NMS: variants seen among roughly 807,000 people sequenced by gnomAD.
NMS encodes the protein neuromedin-S.
NMS carries 30 observed loss-of-function variants against 32.2 expected under a neutral mutation model. The observed-to-expected ratio is 0.93, with a 90% CI of 0.70 to 1.26. NMS has a LOEUF of 1.26. Ranked by LOEUF, NMS falls within the 50% of genes most tolerant of loss-of-function variation. The probability of loss-of-function intolerance (pLI) is 0.00; values close to 1 mark genes in which losing one functional copy is unlikely to be tolerated. For synonymous variants in NMS, 76 were observed against 58.5 expected, an observed-to-expected ratio of 1.30 and a Z score of -1.37; for missense variants, 190 against 186.3, an observed-to-expected ratio of 1.02 and a Z score of -0.12.
intron 3 of NMS, 77 bp downstream of exon 3, chr2:100,473,616 G>C: frequency 1.3e-5 from 6 of 451,958 alleles, no homozygotes; most frequent in South Asian, 6.1e-5. Flanking sequence ...CTACCTACAG[G>C]AGAATGCTGT....
intron 7 of NMS, among the ~76,000 whole-genome samples, chr2:100,480,905 C>T (rs1358548861): frequency 6.6e-6 from 1 of 152,094 alleles, no homozygotes; most frequent in East Asian, 1.9e-4. Context: ...CGTGGCCATG[C>T]ATCAGAGTCA....
At chr2:100,470,774 T>G (rs1329335649) in intron 1 of NMS, among the ~76,000 whole-genome samples, 2 of 152,222 alleles carry the variant, frequency 1.3e-5, no homozygotes, top group African/African-American at 4.8e-5. Context: ...CTTTTCCCTG[T>G]GGGACTGTCT....
chr2:100,470,640 A>T lies in NMS; in HGVS notation c.76+76A>T, dbSNP rs142859719. On this transcript the variant is annotated intron_variant, in intron 1 of 9. Transcript: ENST00000376865. ...GAGACAGACCTTGATCCCCCAGGGC[A>T]GCTCTGGAGGGAGTCAAGCTTTATT... 1.5e-3 allele frequency: 1,776 copies of T among 1,170,926 alleles called. 27 individuals are homozygous for T. The African/African-American group carries it at 0.024, about 16-fold the overall frequency. 72.5% of individuals were successfully genotyped at this position (1,170,926 alleles called of 1,614,324 possible).
chr2:100,475,720 C>T (rs1354659847), intron 3 of NMS, among the ~76,000 whole-genome samples: 1 of 152,020 alleles, frequency 6.6e-6, no homozygotes, highest in Non-Finnish European at 1.5e-5. Context: ...AAAAAGTAGG[C>T]CGGGTGTGGT....
chr2:100,475,999 C>CAAAAAAAAAAAAAAAAAAAAAA (rs746460668), intron 3 of NMS, among the ~76,000 whole-genome samples: 2 of 111,702 alleles, frequency 1.8e-5, no homozygotes, highest in African/African-American at 3.5e-5. Flanking sequence ...ACCCTATCTC[C>CAAAAAAAAAAAAAAAAAAAAAA]AAAAAAAAAA....
rs1241893743 is a variant in NMS, at chr2:100,479,313, T to A, written c.262-40T>A. 2.7e-6 allele frequency: 4 copies of A among 1,489,774 alleles called. 1 individual carries two copies. Among genetic ancestry groups the A allele is most frequent in the South Asian group, 2.4e-5 (2 of 83,280 alleles). The allele number at this position is 1,489,774 out of a possible 1,614,324, so 92.3% of individuals were successfully genotyped here. A position where few individuals can be genotyped will look rare whatever the true frequency, so the allele number is the denominator to read the frequency against. On this transcript the variant is annotated intron_variant, in intron 5 of 9. Transcript: ENST00000376865. ...GGCTCTCAAAATACCCCTCTGTGGA[T>A]GTCCCCCTGTCTGACCCTCTCCGCG...
At chr2:100,470,698 C>T in intron 1 of NMS, 134 bp downstream of exon 1, 1 of 757,726 alleles carries the variant, frequency 1.3e-6, no homozygotes, top group Non-Finnish European at 2.3e-6. Context: ...TTTCTGGCTG[C>T]AATTTGTTGG....
At chr2:100,482,774 G>C (rs955048623) in intron 9 of NMS, among the ~76,000 whole-genome samples, 2 of 152,174 alleles carry the variant, frequency 1.3e-5, no homozygotes, top group African/African-American at 4.8e-5. Flanking sequence ...CCCTTCCAAT[G>C]GTGCTCTGAG....
intron 9 of NMS, 42 bp from the exon 10 acceptor site, chr2:100,483,210 A>G (rs1244306998): frequency 1.3e-6 from 2 of 1,586,606 alleles, no homozygotes; most frequent in African/African-American, 2.7e-5. Flanking sequence ...GATTCCGAGA[A>G]TGATTTGAAC....
chr2:100,477,542 C>T, intron 5 of NMS, 128 bp downstream of exon 5: 3 of 657,924 alleles, frequency 4.6e-6, no homozygotes, highest in Admixed American at 5.8e-5. Flanking sequence ...TAGTAGCTTC[C>T]CAGGGGCTTT....
intron 3 of NMS, among the ~76,000 whole-genome samples, chr2:100,475,946 C>G (rs62148440): frequency 0.037 from 5,527 of 147,452 alleles, 141 homozygotes; most frequent in Non-Finnish European, 0.057. Flanking sequence ...CTGCAGTGAG[C>G]CAATATTGTA....
chr2:100,479,250 G>T, intron 5 of NMS, 103 bp from the exon 6 acceptor site: 2 of 770,554 alleles, frequency 2.6e-6, no homozygotes, highest in Non-Finnish European at 3.9e-6. Context: ...AAACCCATTT[G>T]TAAGGGAAGT....
At chr2:100,480,429 C>A in intron 6 of NMS, 67 bp from the exon 7 acceptor site, 1 of 1,540,102 alleles carries the variant, frequency 6.5e-7, no homozygotes, top group Non-Finnish European at 9.0e-7. Context: ...GGCAGGATCA[C>A]TGCAAGACAA....
intron 2 of NMS, 41 bp downstream of exon 2, chr2:100,472,891 G>A: frequency 7.5e-7 from 1 of 1,327,954 alleles, no homozygotes; most frequent in Non-Finnish European, 1.1e-6. Context: ...TGTTTAGTCT[G>A]GACCTTGAAT....
chr2:100,477,273 T>G lies in NMS; in HGVS notation c.207+6T>G. ...ATCAAGACATATACAAAAGGGTGAG[T>G]ACCACCTAGCCCTGTACAAGTGCAT... On this transcript the variant is annotated splice_donor_region_variant and intron_variant, in intron 4 of 9. Transcript: ENST00000376865. 6.2e-7 allele frequency: 1 copy of G among 1,613,100 alleles called. No homozygotes were observed. The highest frequency in any genetic ancestry group is 8.5e-7 in the Non-Finnish European group (1 of 1,179,188).
chr2:100,479,499 T>TC lies in NMS; in HGVS notation c.336+73dup. 2.3e-6 allele frequency: 3 copies of TC among 1,313,286 alleles called. No individual in the cohort carries two copies. In the South Asian group the frequency reaches 3.9e-5, roughly 17 times the overall value. 81.4% of individuals were successfully genotyped at this position (1,313,286 alleles called of 1,614,324 possible). A position where few individuals can be genotyped will look rare whatever the true frequency, so the allele number is the denominator to read the frequency against. ...ATTGAATCGTGGTAAAAGCATGCTG[T>TC]CACCTTGGGGCTTGCTGTCATTCTC... On this transcript the variant is annotated intron_variant, in intron 6 of 9. Coordinates refer to ENST00000376865, the MANE Select transcript of NMS (RefSeq NM_001011717.1).
chr2:100,479,314 G>A, intron 5 of NMS, 39 bp from the exon 6 acceptor site: 3 of 1,496,228 alleles, frequency 2.0e-6, no homozygotes, highest in Non-Finnish European at 2.8e-6. Context: ...CTCTGTGGAT[G>A]TCCCCCTGTC....
intron 8 of NMS, among the ~76,000 whole-genome samples, chr2:100,481,945 A>G (rs111344462): frequency 1.3e-5 from 2 of 152,338 alleles, no homozygotes; most frequent in East Asian, 3.9e-4. Context: ...TTTGAGAAAC[A>G]GTCCATCTCC....
In NMS at chr2:100,473,536, TA is replaced by T; in HGVS notation, c.182del (p.Lys61ArgfsTer34). 7.0e-7 allele frequency: 1 copy of T among 1,422,244 alleles called. No homozygotes were observed. The allele number at this position is 1,422,244 out of a possible 1,614,324, so 88.1% of individuals were successfully genotyped here. Reference protein sequence around the residue: ...SQWAPLSRQPKDNQDIYKRFL... With the variant: ...SQWAPLSRQPXDNQDIYKRFL... Reference sequence around the variant, plus strand: ...AGTGGGCACCTCTTTCTCGCCAACCTAAGGTAAAAAAATGTGTATATATATA... The same window carrying T: ...AGTGGGCACCTCTTTCTCGCCAACCTAGGTAAAAAAATGTGTATATATATA... On this transcript the variant is annotated frameshift_variant and splice_region_variant, in exon 3 of 10. Transcript: ENST00000376865. LOFTEE classifies it high-confidence loss of function.
Sources: gnomAD v4.1 joint callset for allele counts (sites outside exome capture counted in the v4.1 genomes callset) on GRCh38, gnomAD v4.1.1 for gene constraint, MANE v1.5 for transcripts, NCBI Gene and HGNC (gene_info 2026-07-23, HGNC 2026-07-21) for gene names.